Variants in XRRA1 observed in about 807,000 individuals in gnomAD.
XRRA1 encodes X-ray radiation resistance associated 1.
Under a neutral mutation model 80.2 loss-of-function variants are expected in XRRA1, and 69 were observed. The ratio of observed to expected loss-of-function variants is 0.86; its 90% confidence interval spans 0.71 to 1.05. The LOEUF is 1.05. Ranked by LOEUF, XRRA1 falls within the 50% of genes least tolerant of loss-of-function variation. The probability of loss-of-function intolerance (pLI) is 0.00; values close to 1 mark genes in which losing one functional copy is unlikely to be tolerated. For synonymous variants in XRRA1, 348 were observed against 389.9 expected, an observed-to-expected ratio of 0.89 and a Z score of 1.27; for missense variants, 967 against 976.4, an observed-to-expected ratio of 0.99 and a Z score of 0.13.
rs113792402 is a variant in XRRA1, at chr11:74,945,532, C to T, written c.-72-447G>A. ...GGAGGCATGCAGACCTGGATGCTAT[C>T]GCAGAAATTCTAGTTCCCTATTAGG... is the stretch of plus-strand genomic sequence containing the variant. On this transcript the variant is annotated intron_variant, in intron 1 of 18. Coordinates refer to ENST00000684022, the MANE Select transcript of XRRA1 (RefSeq NM_001378157.1). 4.1e-3 allele frequency among the ~76,000 whole-genome samples: 631 copies of T among 152,168 alleles called. 1 individual carries two copies. The highest frequency in any genetic ancestry group is 6.8e-3 in the Middle Eastern group (2 of 294).
intron 10 of XRRA1, among the ~76,000 whole-genome samples, chr11:74,891,900 A>G (rs2050815884): frequency 1.3e-5 from 2 of 152,214 alleles, no homozygotes; most frequent in Admixed American, 1.3e-4. Flanking sequence ...CAATGAAATA[A>G]AAGAGGATAC....
At chr11:74,852,670 G>A (rs1334056726) in intron 12 of XRRA1, among the ~76,000 whole-genome samples, 2 of 152,208 alleles carry the variant, frequency 1.3e-5, no homozygotes, top group East Asian at 3.9e-4. Context: ...GGGACACAGA[G>A]AATGCCCTGT....
At chr11:74,868,600 A>G (rs2044014739) in intron 10 of XRRA1, among the ~76,000 whole-genome samples, 1 of 152,194 alleles carries the variant, frequency 6.6e-6, no homozygotes, top group Admixed American at 6.5e-5. Flanking sequence ...CAAGAGACCC[A>G]TCTCACATGT....
At chr11:74,895,215 G>A (rs983416991) in intron 10 of XRRA1, among the ~76,000 whole-genome samples, 23 of 152,208 alleles carry the variant, frequency 1.5e-4, no homozygotes, top group Non-Finnish European at 1.5e-5. Flanking sequence ...CCATCCCCTG[G>A]CAGAAGCCAT....
In XRRA1 at chr11:74,852,032, G is replaced by A. The variant is rs2304683; in HGVS notation, c.1221C>T (p.Cys407=). The A allele has an allele frequency of 0.28, 448,864 of 1,612,844 alleles. 69,171 individuals are homozygous for A. The highest frequency in any genetic ancestry group is 0.55 in the East Asian group (24,803 of 44,842). Residue 407 remains cysteine, a synonymous_variant, in exon 13 of 19, where the codon TGC becomes TGT. Coordinates refer to ENST00000684022, the MANE Select transcript of XRRA1 (RefSeq NM_001378157.1). ...GAGGGTTGTTATGAAAGACGAACTC[G>A]CAGAGAGATGGGAAGAGAGCTACTG... ...VLPVALFPSL[C]EFVFHNNPLV...
chr11:74,859,271 A>C lies in XRRA1; in HGVS notation c.1057T>G (p.Cys353Gly). The C allele has an allele frequency of 1.2e-6, 2 of 1,606,010 alleles. No homozygotes were observed. ...ATCTCGAATATGGGAGGAAGTGAAC[A>C]TATCTTGGTTGTCTTAGAAAGAAGG... ...GFSTSETTKI[C>G]SLPPIFEILP... The change falls in exon 12 of 19, where the codon TGT (cysteine) becomes GGT (glycine). Residue 353 changes from cysteine (C) to glycine (G), a missense_variant. Physicochemically the swap from Cys to Gly is radical, Grantham distance 159. Coordinates refer to ENST00000684022, the MANE Select transcript of XRRA1 (RefSeq NM_001378157.1).
intron 11 of XRRA1, 101 bp downstream of exon 11, chr11:74,862,880 C>T: frequency 9.3e-7 from 1 of 1,074,488 alleles, no homozygotes; most frequent in South Asian, 1.6e-5. Context: ...TCAGTGTGAT[C>T]TATAGAAATG....
intron 13 of XRRA1, among the ~76,000 whole-genome samples, chr11:74,851,526 A>C (rs1241582441): frequency 1.3e-5 from 2 of 152,160 alleles, no homozygotes; most frequent in Non-Finnish European, 2.9e-5. Context: ...TGTATCTTAC[A>C]CAGTGGCTCC....
intron 12 of XRRA1, among the ~76,000 whole-genome samples, chr11:74,856,369 G>C (rs375295918): frequency 3.0e-4 from 45 of 152,248 alleles, no homozygotes; most frequent in African/African-American, 1.0e-3. Flanking sequence ...TGCAAACATA[G>C]AAAAATGGAA....
chr11:74,872,346 G>C (rs1477913107), intron 10 of XRRA1, among the ~76,000 whole-genome samples: 1 of 152,156 alleles, frequency 6.6e-6, no homozygotes, highest in Admixed American at 6.5e-5. Flanking sequence ...CCCAATATTA[G>C]AAGGAAACTG....
intron 6 of XRRA1, among the ~76,000 whole-genome samples, chr11:74,928,117 T>C (rs1345540755): frequency 6.6e-6 from 1 of 152,260 alleles, no homozygotes; most frequent in African/African-American, 2.4e-5. Flanking sequence ...TCCCCATTGG[T>C]AGCCTTTAGG....
intron 2 of XRRA1, among the ~76,000 whole-genome samples, chr11:74,942,908 A>G (rs1946622071): frequency 6.6e-6 from 1 of 152,222 alleles, no homozygotes; most frequent in African/African-American, 2.4e-5. Context: ...AAAGGCTGAC[A>G]ATGCAGGAGA....
intron 10 of XRRA1, among the ~76,000 whole-genome samples, chr11:74,871,995 G>A (rs879744575): frequency 6.6e-5 from 10 of 152,176 alleles, no homozygotes; most frequent in Non-Finnish European, 1.2e-4. Flanking sequence ...GGCCAAAAAG[G>A]AAAAGAGAAA....
intron 11 of XRRA1, 133 bp from the exon 12 acceptor site, chr11:74,859,416 A>C: frequency 1.0e-6 from 1 of 963,728 alleles, no homozygotes; most frequent in Middle Eastern, 2.2e-4. Flanking sequence ...AGAGACATGT[A>C]GGGTCATAAG....
chr11:74,934,200 CAGTT>C (rs1211486036), intron 4 of XRRA1, among the ~76,000 whole-genome samples: 3 of 152,194 alleles, frequency 2.0e-5, no homozygotes, highest in African/African-American at 4.8e-5. Context: ...AAAGGTCCCA[CAGTT>C]AGTAAGTGAC....
chr11:74,884,696 T>C (rs2048583122), intron 10 of XRRA1, among the ~76,000 whole-genome samples: 1 of 152,190 alleles, frequency 6.6e-6, no homozygotes, highest in Non-Finnish European at 1.5e-5. Context: ...TTTATTTCCT[T>C]GGCCATGAGA....
chr11:74,862,964 A>C lies in XRRA1; in HGVS notation c.1044+17T>G. 1 of 1,578,800 alleles carries C rather than the reference A, an allele frequency of 6.3e-7. No individual in the cohort carries two copies. The highest frequency in any genetic ancestry group is 8.6e-7 in the Non-Finnish European group (1 of 1,158,786). On this transcript the variant is annotated intron_variant, in intron 11 of 18. Coordinates refer to ENST00000684022, the MANE Select transcript of XRRA1 (RefSeq NM_001378157.1). ...GTTCTAACTCAGGAACACAAATATA[A>C]AGTAGTCAGTTCCTACCTCTGAGGT... is the stretch of plus-strand genomic sequence containing the variant.
At chr11:74,889,523 A>T (rs1399023549) in intron 10 of XRRA1, among the ~76,000 whole-genome samples, 1 of 152,244 alleles carries the variant, frequency 6.6e-6, no homozygotes, top group African/African-American at 2.4e-5. Flanking sequence ...AGCTAACATC[A>T]TAATGACAGG....
chr11:74,937,085 A>G lies in XRRA1; in HGVS notation c.95-17T>C, dbSNP rs1234655090. The G allele has an allele frequency of 1.9e-6, 3 of 1,606,054 alleles. No individual in the cohort carries two copies. The South Asian group carries it at 3.3e-5, about 18-fold the overall frequency. On this transcript the variant is annotated splice_polypyrimidine_tract_variant and intron_variant, in intron 3 of 18. Transcript: ENST00000684022. The stretch of plus-strand genomic sequence containing the variant: ...GTCCTTGGCCTGTTGAGAAAATTAG[A>G]ACAGTGAAAAGGGGAAAACTCCAAA...
Sources: gnomAD v4.1 joint callset for allele counts (sites outside exome capture counted in the v4.1 genomes callset) on GRCh38, gnomAD v4.1.1 for gene constraint, MANE v1.5 for transcripts, NCBI Gene and HGNC (gene_info 2026-07-23, HGNC 2026-07-21) for gene names.